The following KIF13A variants were observed in gnomAD, a reference collection of about 807,000 sequenced individuals.
KIF13A encodes the protein kinesin family member 13A, also known as kinesin-like protein KIF13A.
KIF13A carries 79 observed loss-of-function variants against 212.2 expected under a neutral mutation model. The observed-to-expected ratio is 0.37, with a 90% CI of 0.31 to 0.45. The LOEUF (loss-of-function observed/expected upper bound fraction) is 0.45, where lower values mean the gene tolerates loss of function less well. Ranked by LOEUF, KIF13A falls within the 20% of genes least tolerant of loss-of-function variation. The probability of loss-of-function intolerance (pLI) is 1.00; values close to 1 mark genes in which losing one functional copy is unlikely to be tolerated. For missense variants in KIF13A, 1,901 were observed against 2,209.0 expected, an observed-to-expected ratio of 0.86 and a Z score of 2.79; for synonymous variants, 789 against 808.6, an observed-to-expected ratio of 0.98 and a Z score of 0.41.
chr6:17,984,703 T>G lies in KIF13A; in HGVS notation c.146+2351A>C, dbSNP rs1262838271. Among the ~76,000 whole-genome samples, 1 of 152,210 alleles carries G rather than the reference T, an allele frequency of 6.6e-6. No individual in the cohort carries two copies. Among genetic ancestry groups the G allele is most frequent in the African/African-American group, 2.4e-5 (1 of 41,462 alleles). ...CATGGCTAATTCATTGGTAATTTCT[T>G]GCAACTTTCAGAAAAACAGTAATTC... On this transcript the variant is annotated intron_variant, in intron 2 of 38. Coordinates refer to ENST00000259711, the MANE Select transcript of KIF13A (RefSeq NM_022113.6). The surrounding 1 kb of genome is among the most constrained non-coding windows in gnomAD (Gnocchi z 5.0).
At chr6:17,977,333 G>A (rs1032370653) in intron 2 of KIF13A, among the ~76,000 whole-genome samples, 49 of 152,122 alleles carry the variant, frequency 3.2e-4, no homozygotes, top group African/African-American at 1.1e-3. Flanking sequence ...TCACTATAAT[G>A]TAAGAGAATA....
chr6:17,852,039 A>T lies in KIF13A; in HGVS notation c.498T>A (p.Ser166Arg). ...KVRDLLDPKG[S>R]RQSLKVREHK... ...GTTCTCGAACTTTAAGAGACTGTCT[A>T]CTCCTGCGGGAGGGAGGAAAAAGGA... The change falls in exon 7 of 39, where the codon AGT (serine) becomes AGA (arginine). Residue 166 changes from serine to arginine, a missense_variant. Physicochemically the swap from Ser to Arg is moderately radical, Grantham distance 110. Around this residue, in one of 5 missense-constraint regions of KIF13A, gnomAD observed 506 missense variants for 637.4 expected, o/e 0.79. Transcript: ENST00000259711. 6.7e-7 allele frequency: 1 copy of T among 1,489,814 alleles called. No individual in the cohort carries two copies. The highest frequency in any genetic ancestry group is 8.9e-7 in the Non-Finnish European group (1 of 1,118,688). 92.3% of individuals were successfully genotyped at this position (1,489,814 alleles called of 1,614,324 possible). A position where few individuals can be genotyped will look rare whatever the true frequency, so the allele number is the denominator to read the frequency against.
chr6:17,986,440 A>G (rs1284694596), intron 2 of KIF13A, among the ~76,000 whole-genome samples: 1 of 152,218 alleles, frequency 6.6e-6, no homozygotes, highest in African/African-American at 2.4e-5. Flanking sequence ...CTCAGTGTCT[A>G]TACAGTTCAG....
At position 17,955,771 on chromosome 6, in the gene KIF13A, A is replaced by G. The variant is rs188521304; in HGVS notation, c.146+31283T>C. Among the ~76,000 whole-genome samples, 4 of 152,336 alleles carry G rather than the reference A, an allele frequency of 2.6e-5. No homozygotes were observed. The East Asian group carries it at 7.7e-4, about 29-fold the overall frequency. On this transcript the variant is annotated intron_variant, in intron 2 of 38. Transcript: ENST00000259711. ...GTGACTCCTTTCAGAGTCTCAGGAT[A>G]AGGCTGCACCAATTCAGTGTAGTTT...
Position 17,771,910 on chromosome 6 carries a change from C to T in KIF13A, c.4474G>A (p.Glu1492Lys). 1.9e-6 allele frequency: 3 copies of T among 1,613,948 alleles called. No individual in the cohort carries two copies. The highest frequency in any genetic ancestry group is 2.5e-6 in the Non-Finnish European group (3 of 1,179,846). ...GTACAGACAAGTCAAGCATTTACCT[C>T]CTGGCTTAGAAGAGGCCTTGCTTCC... Reference protein sequence around the residue: ...ALEARPLLSQESMPPPQAHNP... With the variant: ...ALEARPLLSQKSMPPPQAHNP... The change falls in exon 37 of 39, where the codon GAG (glutamate) becomes AAG (lysine). Residue 1492 changes from glutamate to lysine, a missense_variant and splice_region_variant. Physicochemically the swap from Glu to Lys is moderately conservative, Grantham distance 56. This residue lies in a region of KIF13A where 687 missense variants were observed against 759.1 expected (regional missense o/e 0.90). Transcript: ENST00000259711. This position sits in a 1 kb window ranked among gnomAD's most constrained non-coding sequence, Gnocchi z 5.4.
intron 2 of KIF13A, among the ~76,000 whole-genome samples, chr6:17,941,220 C>T (rs1776932975): frequency 6.6e-6 from 1 of 152,188 alleles, no homozygotes; most frequent in African/African-American, 2.4e-5. Context: ...TCCTAAAACC[C>T]ACTAAGAAGC....
At chr6:17,774,768 T>G (rs1345708056) in intron 35 of KIF13A, among the ~76,000 whole-genome samples, 2 of 148,460 alleles carry the variant, frequency 1.3e-5, no homozygotes, top group African/African-American at 5.0e-5. Context: ...AGTGAAACTC[T>G]GTCTCAAAAA....
rs1225190057 is a variant in KIF13A at position 17,971,244 on chromosome 6, G to A, written c.146+15810C>T. 2.0e-5 allele frequency among the ~76,000 whole-genome samples: 3 copies of A among 152,156 alleles called. No individual in the cohort carries two copies. The highest frequency in any genetic ancestry group is 7.2e-5 in the African/African-American group (3 of 41,434). On this transcript the variant is annotated intron_variant, in intron 2 of 38. Transcript: ENST00000259711. This position sits in a 1 kb window ranked among gnomAD's most constrained non-coding sequence, Gnocchi z 4.2. ...ACCTAACTGTACTTCACAGTTCAGAGTTCACATAGCTATGGTGGTATTTCC... is the reference window on the plus strand; with the variant it reads ...ACCTAACTGTACTTCACAGTTCAGAATTCACATAGCTATGGTGGTATTTCC...
At position 17,794,165 on chromosome 6, in the gene KIF13A, T is replaced by A; in HGVS notation, c.3222+84A>T. ...GAAGATCTACGGTTAAGGCAAAGAGTTCTGTTATATTGGCAAAGAGGTCCC... is the reference window on the plus strand; with the variant it reads ...GAAGATCTACGGTTAAGGCAAAGAGATCTGTTATATTGGCAAAGAGGTCCC... On this transcript the variant is annotated intron_variant, in intron 25 of 38. Transcript: ENST00000259711. This position sits in a 1 kb window ranked among gnomAD's most constrained non-coding sequence, Gnocchi z 4.1. The A allele has an allele frequency of 9.5e-7, 1 of 1,047,174 alleles. No homozygotes were observed. The highest frequency in any genetic ancestry group is 1.4e-6 in the Non-Finnish European group (1 of 713,600). The allele number at this position is 1,047,174 out of a possible 1,614,324, so 64.9% of individuals were successfully genotyped here.
Position 17,898,041 on chromosome 6 carries a change from G to T in KIF13A, c.159+127C>A. 1 of 785,046 alleles carries T rather than the reference G, an allele frequency of 1.3e-6. No individual in the cohort carries two copies. The highest frequency in any genetic ancestry group is 2.1e-6 in the Non-Finnish European group (1 of 487,570). 48.6% of individuals were successfully genotyped at this position (785,046 alleles called of 1,614,324 possible). Reference sequence around the variant, plus strand: ...CACTGATATTAATTGTTCATGATGTGAGTTTTAAATTAGGATGCTGTTTTC... The same window carrying T: ...CACTGATATTAATTGTTCATGATGTTAGTTTTAAATTAGGATGCTGTTTTC... On this transcript the variant is annotated intron_variant, in intron 3 of 38. Coordinates refer to ENST00000259711, the MANE Select transcript of KIF13A (RefSeq NM_022113.6). The surrounding 1 kb of genome is among the most constrained non-coding windows in gnomAD (Gnocchi z 5.2).
chr6:17,911,766 TA>T (rs1169116103), intron 2 of KIF13A, among the ~76,000 whole-genome samples: 3 of 92,594 alleles, frequency 3.2e-5, no homozygotes, highest in Non-Finnish European at 7.2e-5. Context: ...TAGTCAATAA[TA>T]ATTTTTTTTT....
intron 2 of KIF13A, among the ~76,000 whole-genome samples, chr6:17,932,080 C>A (rs1368050184): frequency 1.3e-5 from 2 of 152,244 alleles, no homozygotes; most frequent in Admixed American, 1.3e-4. Flanking sequence ...GAAGACACAG[C>A]AATCTGTGTT....
intron 2 of KIF13A, among the ~76,000 whole-genome samples, chr6:17,911,290 A>C (rs1317175504): frequency 6.6e-6 from 1 of 152,172 alleles, no homozygotes; most frequent in Non-Finnish European, 1.5e-5. Context: ...CAGAGTAGTG[A>C]CCCTCCACCA....
Position 17,829,762 on chromosome 6 carries a change from G to A in KIF13A, c.1401+1339C>T, listed in dbSNP as rs1765275946. On this transcript the variant is annotated intron_variant, in intron 13 of 38. Transcript: ENST00000259711. This position sits in a 1 kb window ranked among gnomAD's most constrained non-coding sequence, Gnocchi z 5.4. ...GCCTAAATGAACAGATCTTAAGTTT[G>A]TTGGGGGACTCTCAATAACTCAGGG... 1.3e-5 allele frequency among the ~76,000 whole-genome samples: 2 copies of A among 152,092 alleles called. No homozygotes were observed. The highest frequency in any genetic ancestry group is 2.9e-5 in the Non-Finnish European group (2 of 68,024).
At chr6:17,797,095 T>A (rs1463142005) in intron 22 of KIF13A, among the ~76,000 whole-genome samples, 1 of 151,506 alleles carries the variant, frequency 6.6e-6, no homozygotes, top group Non-Finnish European at 1.5e-5. Flanking sequence ...AGTGGTGCGA[T>A]CTCCGCTCAC....
chr6:17,867,524 C>A (rs182451810), intron 4 of KIF13A, among the ~76,000 whole-genome samples: 2 of 152,270 alleles, frequency 1.3e-5, no homozygotes, highest in East Asian at 3.9e-4. Flanking sequence ...CTGAGTGCTT[C>A]ATATACATAA....
rs1759314121 is a variant in KIF13A at position 17,769,594 on chromosome 6, T to G, written c.4581+1520A>C. On this transcript the variant is annotated intron_variant, in intron 38 of 38. Transcript: ENST00000259711. This position sits in a 1 kb window ranked among gnomAD's most constrained non-coding sequence, Gnocchi z 5.8. ...TAGCTCTGTGAACTGTGAAACTATC[T>G]GCTGAACACCCCAGAAGGGTCATCC... Among the ~76,000 whole-genome samples, 1 of 152,204 alleles carries G rather than the reference T, an allele frequency of 6.6e-6. No homozygotes were observed. Among genetic ancestry groups the G allele is most frequent in the South Asian group, 2.1e-4 (1 of 4,830 alleles).
intron 13 of KIF13A, 54 bp downstream of exon 13, chr6:17,831,047 A>G (rs1765401605): frequency 1.3e-6 from 2 of 1,528,084 alleles, no homozygotes; most frequent in Admixed American, 1.9e-5. Flanking sequence ...AGATTCAACT[A>G]CGAACTGTAT....
chr6:17,787,968 A>C lies in KIF13A; in HGVS notation c.3262-93T>G, dbSNP rs1173742640. ...TAAAAGATGTTTAAATCAACTAGGAAATTTTTCATTAGGAAAAGCTGTTGA... is the reference window on the plus strand; with the variant it reads ...TAAAAGATGTTTAAATCAACTAGGACATTTTTCATTAGGAAAAGCTGTTGA... On this transcript the variant is annotated intron_variant, in intron 26 of 38. Transcript: ENST00000259711. This position sits in a 1 kb window ranked among gnomAD's most constrained non-coding sequence, Gnocchi z 4.6. The C allele has an allele frequency of 3.9e-6, 3 of 771,280 alleles. No homozygotes were observed. The highest frequency in any genetic ancestry group is 4.4e-5 in the Admixed American group (2 of 45,850). 47.8% of individuals were successfully genotyped at this position (771,280 alleles called of 1,614,324 possible).
Sources: gnomAD v4.1 joint callset for allele counts (sites outside exome capture counted in the v4.1 genomes callset) on GRCh38, gnomAD v4.1.1 for gene constraint, gnomAD v4.1.1 regional missense constraint, Gnocchi (gnomAD v3.1) non-coding constraint, MANE v1.5 for transcripts, NCBI Gene and HGNC (gene_info 2026-07-23, HGNC 2026-07-21) for gene names.